CNBD1: variants seen among roughly 807,000 people sequenced by gnomAD.
The protein encoded by CNBD1 is cyclic nucleotide-binding domain-containing protein 1.
In CNBD1, 71 loss-of-function variants were observed where a neutral mutation model predicts 54.4. The observed-to-expected ratio is 1.30, with a 90% CI of 1.08 to 1.59. The LOEUF (loss-of-function observed/expected upper bound fraction) is 1.59. Among genes scored for constraint, CNBD1 ranks in the 40% most tolerant of loss-of-function variants. The probability of loss-of-function intolerance (pLI) is 0.00; values close to 1 mark genes in which losing one functional copy is unlikely to be tolerated. For missense variants in CNBD1, 659 were observed against 518.0 expected (o/e 1.27, Z -2.64); for synonymous variants, 182 against 170.7 (o/e 1.07, Z -0.51).
At chr8:87,179,242 C>T (rs530823531) in intron 4 of CNBD1, among the ~76,000 whole-genome samples, 2 of 151,994 alleles carry the variant, frequency 1.3e-5, no homozygotes, top group South Asian at 2.1e-4. Context: ...CAGGAAACTT[C>T]GAAGAAACAT....
intron 4 of CNBD1, among the ~76,000 whole-genome samples, chr8:87,089,567 C>T (rs747614782): frequency 6.6e-6 from 1 of 151,936 alleles, no homozygotes; most frequent in African/African-American, 2.4e-5. Flanking sequence ...GTGTCCGTTA[C>T]TTTAAGGAAG....
At chr8:87,289,449 C>T (rs558068559) in intron 8 of CNBD1, among the ~76,000 whole-genome samples, 22 of 152,182 alleles carry the variant, frequency 1.4e-4, no homozygotes, top group African/African-American at 3.9e-4. Context: ...AACTTGAAAG[C>T]GACAACCAGC....
chr8:87,301,205 T>C (rs1563543265), intron 8 of CNBD1, among the ~76,000 whole-genome samples: 1 of 152,016 alleles, frequency 6.6e-6, no homozygotes. Flanking sequence ...GAAATGGTAA[T>C]TTAAAAATTG....
intron 4 of CNBD1, among the ~76,000 whole-genome samples, chr8:87,069,282 G>A (rs1217494778): frequency 6.6e-6 from 1 of 152,024 alleles, no homozygotes; most frequent in Admixed American, 6.6e-5. Flanking sequence ...TTTTGGCAAT[G>A]CCTATGTCAA....
intron 8 of CNBD1, among the ~76,000 whole-genome samples, chr8:87,336,199 T>C (rs193017325): frequency 6.6e-6 from 1 of 152,234 alleles, no homozygotes; most frequent in East Asian, 1.9e-4. Context: ...TCATGGAGTG[T>C]CTTAGTGGAG....
chr8:87,372,348 C>T (rs1450580507), intron 10 of CNBD1, among the ~76,000 whole-genome samples: 1 of 151,942 alleles, frequency 6.6e-6, no homozygotes, highest in Non-Finnish European at 1.5e-5. Context: ...ATCCTACTTG[C>T]AGTTTTCACT....
chr8:86,925,730 CAAAA>C (rs71275895), intron 3 of CNBD1, among the ~76,000 whole-genome samples: 43,787 of 141,588 alleles, frequency 0.31, 6,695 homozygotes, highest in East Asian at 0.38. Context: ...AAAAAAATAC[CAAAA>C]AAAAAAAAAA....
intron 4 of CNBD1, among the ~76,000 whole-genome samples, chr8:87,112,649 A>G (rs1294916275): frequency 6.6e-6 from 1 of 152,178 alleles, no homozygotes; most frequent in East Asian, 1.9e-4. Context: ...CACCAATGAT[A>G]ACACATACAC....
chr8:87,344,471 C>T (rs904121746), intron 8 of CNBD1, among the ~76,000 whole-genome samples: 1 of 151,934 alleles, frequency 6.6e-6, no homozygotes, highest in African/African-American at 2.4e-5. Context: ...TATTTACTGT[C>T]ACTATTGTGT....
chr8:87,064,738 G>A (rs993009684), intron 4 of CNBD1, among the ~76,000 whole-genome samples: 1 of 151,664 alleles, frequency 6.6e-6, no homozygotes, highest in Non-Finnish European at 1.5e-5. Flanking sequence ...ACTTTCTCTG[G>A]CTGTAGAATT....
intron 4 of CNBD1, among the ~76,000 whole-genome samples, chr8:87,102,804 C>A (rs976042769): frequency 2.0e-5 from 3 of 151,670 alleles, no homozygotes; most frequent in Admixed American, 1.3e-4. Flanking sequence ...TTAGTAGAGA[C>A]GGGGTTTCAC....
intron 2 of CNBD1, among the ~76,000 whole-genome samples, chr8:87,427,532 A>C (rs2130998593): frequency 6.6e-6 from 1 of 152,340 alleles, no homozygotes; most frequent in African/African-American, 2.4e-5. Context: ...AGATTACATA[A>C]GCCTAGGGAA....
chr8:86,928,514 T>G, intron 3 of CNBD1, among the ~76,000 whole-genome samples: 1 of 152,200 alleles, frequency 6.6e-6, no homozygotes, highest in East Asian at 1.9e-4. Context: ...CCATTGTCAC[T>G]TTGTAAGCTT....
chr8:87,056,136 A>T (rs2130631175), intron 4 of CNBD1, among the ~76,000 whole-genome samples: 1 of 152,262 alleles, frequency 6.6e-6, no homozygotes, highest in Admixed American at 6.5e-5. Context: ...CTTGCCCAAT[A>T]TGTCATAGAA....
intron 8 of CNBD1, among the ~76,000 whole-genome samples, chr8:87,330,777 T>C (rs1452342516): frequency 1.3e-5 from 2 of 152,158 alleles, no homozygotes; most frequent in African/African-American, 4.8e-5. Flanking sequence ...TTAAGTAGAT[T>C]ATAGATGTCA....
chr8:87,043,268 C>G (rs1485722851), intron 4 of CNBD1, among the ~76,000 whole-genome samples: 2 of 152,158 alleles, frequency 1.3e-5, no homozygotes, highest in South Asian at 2.1e-4. Context: ...CTAGGACCCT[C>G]CCTGACCTGG....
intron 8 of CNBD1, among the ~76,000 whole-genome samples, chr8:87,298,443 G>A (rs1026822899): frequency 1.3e-5 from 2 of 151,552 alleles, no homozygotes; most frequent in African/African-American, 2.4e-5. Context: ...CAACATAAAT[G>A]GATATTCCTT....
At chr8:87,215,341 T>C (rs1408938871) in intron 5 of CNBD1, among the ~76,000 whole-genome samples, 1 of 152,080 alleles carries the variant, frequency 6.6e-6, no homozygotes, top group Non-Finnish European at 1.5e-5. Flanking sequence ...AGGGACATTA[T>C]TGCTGATGCA....
At position 87,032,756 on chromosome 8, in the gene CNBD1, T is replaced by C. The variant is rs549281769; in HGVS notation, c.431+93002T>C. Among the ~76,000 whole-genome samples the C allele has an allele frequency of 3.9e-5, 6 of 152,364 alleles. No homozygotes were observed. The East Asian group carries it at 1.2e-3, about 29-fold the overall frequency. On this transcript the variant is annotated intron_variant, in intron 4 of 10. Coordinates refer to ENST00000518476, the MANE Select transcript of CNBD1 (RefSeq NM_173538.3). Reference sequence around the variant, plus strand: ...ATTGCCCATATTGTAGAAAGATCAATGTCATAAAAGAGTAAAAATCAGTCT... The same window carrying C: ...ATTGCCCATATTGTAGAAAGATCAACGTCATAAAAGAGTAAAAATCAGTCT...
Sources: gnomAD v4.1 joint callset for allele counts (sites outside exome capture counted in the v4.1 genomes callset) on GRCh38, gnomAD v4.1.1 for gene constraint, MANE v1.5 for transcripts, NCBI Gene and HGNC (gene_info 2026-07-23, HGNC 2026-07-21) for gene names.